The following CSMD1 variants were observed in gnomAD, a reference collection of about 807,000 sequenced individuals.
The protein encoded by CSMD1 is CUB and sushi domain-containing protein 1.
Under a neutral mutation model 417.5 loss-of-function variants are expected in CSMD1, and 213 were observed. The ratio of observed to expected loss-of-function variants is 0.51; its 90% CI spans 0.46 to 0.57. The LOEUF (loss-of-function observed/expected upper bound fraction) is 0.57. Ranked by LOEUF, CSMD1 falls within the 20% of genes least tolerant of loss-of-function variation. The probability of loss-of-function intolerance (pLI) is 0.00; values close to 1 mark genes in which losing one functional copy is unlikely to be tolerated. For missense variants in CSMD1, 6,923 were observed against 4,529.7 expected (o/e 1.53, Z -15.17); for synonymous variants, 2,862 against 1,736.8 (o/e 1.65, Z -16.11).
intron 1 of CSMD1, among the ~76,000 whole-genome samples, chr8:4,786,732 A>T (rs1047309360): frequency 1.3e-5 from 2 of 152,066 alleles, no homozygotes; most frequent in Admixed American, 6.6e-5. Context: ...GTAGTCCATT[A>T]TCTTTATTTT....
chr8:3,528,383 G>A (rs2117493591), intron 10 of CSMD1, among the ~76,000 whole-genome samples: 1 of 152,262 alleles, frequency 6.6e-6, no homozygotes, highest in Middle Eastern at 3.4e-3. Flanking sequence ...ATATCTAAGA[G>A]CACTTGTCTT....
At chr8:3,721,924 T>C (rs891938447) in intron 6 of CSMD1, among the ~76,000 whole-genome samples, 20 of 152,232 alleles carry the variant, frequency 1.3e-4, no homozygotes, top group African/African-American at 4.8e-4. Flanking sequence ...TACTGATGCA[T>C]CTACATGCCA....
At chr8:4,842,569 T>C (rs1318031651) in intron 1 of CSMD1, among the ~76,000 whole-genome samples, 1 of 152,208 alleles carries the variant, frequency 6.6e-6, no homozygotes, top group Non-Finnish European at 1.5e-5. Flanking sequence ...AGGAGCCATA[T>C]TGAGCATAGG....
intron 63 of CSMD1, 110 bp downstream of exon 63, chr8:2,957,586 G>A: frequency 1.3e-6 from 1 of 756,896 alleles, no homozygotes; most frequent in Non-Finnish European, 2.2e-6. Context: ...GAAAATTTAG[G>A]ATTAGGGAAT....
intron 8 of CSMD1, among the ~76,000 whole-genome samples, chr8:3,616,186 C>T (rs888199596): frequency 6.6e-6 from 1 of 152,154 alleles, no homozygotes; most frequent in Non-Finnish European, 1.5e-5. Flanking sequence ...TCATCTGGAA[C>T]TGTAGCATCC....
chr8:3,093,328 A>T (rs1585329055), intron 47 of CSMD1, among the ~76,000 whole-genome samples: 1 of 152,008 alleles, frequency 6.6e-6, no homozygotes, highest in African/African-American at 2.4e-5. Flanking sequence ...CGCCCTTCTG[A>T]CCCCTTCCGC....
intron 20 of CSMD1, among the ~76,000 whole-genome samples, chr8:3,364,326 T>C (rs905369164): frequency 2.6e-5 from 4 of 152,220 alleles, no homozygotes; most frequent in Non-Finnish European, 4.4e-5. Flanking sequence ...AAAAAGACTT[T>C]CTGCTTGTGT....
chr8:3,924,081 G>C (rs536512782), intron 5 of CSMD1, among the ~76,000 whole-genome samples: 14 of 152,270 alleles, frequency 9.2e-5, no homozygotes, highest in South Asian at 4.1e-4. Flanking sequence ...GGTATATCTG[G>C]TGGTGATGAA....
chr8:4,491,683 C>G (rs371649800), intron 2 of CSMD1, among the ~76,000 whole-genome samples: 1 of 152,216 alleles, frequency 6.6e-6, no homozygotes, highest in African/African-American at 2.4e-5. Context: ...CACTACACAC[C>G]AATGAAGAAT....
At chr8:4,187,426 C>A (rs543313595) in intron 3 of CSMD1, among the ~76,000 whole-genome samples, 2 of 152,186 alleles carry the variant, frequency 1.3e-5, no homozygotes, top group South Asian at 4.1e-4. Context: ...GCAGGCAGAT[C>A]ACCTGAGGTC....
intron 6 of CSMD1, among the ~76,000 whole-genome samples, chr8:3,723,621 G>C (rs996008299): frequency 6.6e-6 from 1 of 151,932 alleles, no homozygotes; most frequent in Non-Finnish European, 1.5e-5. Context: ...GAAAATATTA[G>C]AATTTTAGAC....
At chr8:3,935,109 T>C (rs1356989134) in intron 5 of CSMD1, among the ~76,000 whole-genome samples, 4 of 152,178 alleles carry the variant, frequency 2.6e-5, no homozygotes, top group African/African-American at 9.6e-5. Context: ...CAACATGCCT[T>C]CTCACACATT....
chr8:4,744,584 T>C lies in CSMD1; in HGVS notation c.86-107026A>G, dbSNP rs1810829163. Reference sequence around the variant, plus strand: ...GATTTACAATTCACACAAAATAATATCTTTGGTTCGTGGTAGCAAAAATTA... The same window carrying C: ...GATTTACAATTCACACAAAATAATACCTTTGGTTCGTGGTAGCAAAAATTA... On this transcript the variant is annotated intron_variant, in intron 1 of 69. Transcript: ENST00000635120. Among the ~76,000 whole-genome samples the C allele has an allele frequency of 2.0e-5, 3 of 152,232 alleles. No individual in the cohort carries two copies. In the South Asian group the frequency reaches 6.2e-4, roughly 31 times the overall value.
chr8:4,174,069 C>T (rs1385524658), intron 3 of CSMD1, among the ~76,000 whole-genome samples: 1 of 152,140 alleles, frequency 6.6e-6, no homozygotes, highest in African/African-American at 2.4e-5. Flanking sequence ...CACCTGCCTG[C>T]TTATGATCCA....
chr8:4,274,502 T>A (rs1029781991), intron 3 of CSMD1, among the ~76,000 whole-genome samples: 2 of 152,142 alleles, frequency 1.3e-5, no homozygotes, highest in African/African-American at 4.8e-5. Context: ...CAAATAACTG[T>A]TTCTTTAATA....
chr8:3,791,873 G>A (rs984037425), intron 5 of CSMD1, among the ~76,000 whole-genome samples: 1 of 151,854 alleles, frequency 6.6e-6, no homozygotes, highest in Non-Finnish European at 1.5e-5. Flanking sequence ...TGTATAGGTT[G>A]GTGCAAAAGT....
At chr8:3,718,356 A>G (rs571941694) in intron 6 of CSMD1, among the ~76,000 whole-genome samples, 1 of 152,152 alleles carries the variant, frequency 6.6e-6, no homozygotes, top group African/African-American at 2.4e-5. Context: ...ACTGACAACC[A>G]AGTTTTAAGA....
chr8:4,803,937 G>A (rs1798448216), intron 1 of CSMD1, among the ~76,000 whole-genome samples: 1 of 152,082 alleles, frequency 6.6e-6, no homozygotes, highest in African/African-American at 2.4e-5. Flanking sequence ...AAATACGATG[G>A]GCATTCATGC....
chr8:4,067,426 G>T (rs1403395881), intron 3 of CSMD1, among the ~76,000 whole-genome samples: 3 of 152,106 alleles, frequency 2.0e-5, no homozygotes, highest in Non-Finnish European at 4.4e-5. Context: ...ATATTTCCCA[G>T]AGAATTTATT....
Sources: allele counts gnomAD v4.1 joint callset (sites outside exome capture counted in the v4.1 genomes callset), GRCh38; gene constraint gnomAD v4.1.1; transcripts MANE v1.5; gene names NCBI Gene and HGNC (gene_info 2026-07-23, HGNC 2026-07-21).